Variants in LRRC4C observed in about 807,000 individuals in gnomAD.
The protein encoded by LRRC4C is leucine rich repeat containing 4C.
Under a neutral mutation model 33.6 loss-of-function variants are expected in LRRC4C, and 5 were observed. That is an observed-to-expected ratio of 0.15 (90% confidence interval 0.08 to 0.31). The LOEUF (loss-of-function observed/expected upper bound fraction) is 0.31, where lower values mean the gene tolerates loss of function less well. LRRC4C is among the 10% of genes least tolerant of loss of function. The pLI is 1.00. For synonymous variants in LRRC4C, 329 were observed against 302.0 expected (o/e 1.09, Z -0.93); for missense variants, 560 against 796.7 (o/e 0.70, Z 3.58).
chr11:40,822,446 G>C (rs1051779070), intron 2 of LRRC4C, among the ~76,000 whole-genome samples: 1 of 151,400 alleles, frequency 6.6e-6, no homozygotes, highest in African/African-American at 2.4e-5. Context: ...CTCTATCTTG[G>C]CTATTGTGAA....
In LRRC4C at chr11:40,985,653, G is replaced by A. The variant is rs1475056042; in HGVS notation, c.-495-51930C>T. On this transcript the variant is annotated intron_variant, in intron 1 of 6. Transcript: ENST00000528697. Reference sequence around the variant, plus strand: ...ACTACAGGCGCCCGCCACCGCGCCCGGCTAATTTTTTGTATTTTTAGTAGA... The same window carrying A: ...ACTACAGGCGCCCGCCACCGCGCCCAGCTAATTTTTTGTATTTTTAGTAGA... 8.8e-4 allele frequency among the ~76,000 whole-genome samples: 6 copies of A among 6,820 alleles called. 3 individuals carry two copies. The highest frequency in any genetic ancestry group is 9.3e-4 in the African/African-American group (6 of 6,474). 4.5% of individuals were successfully genotyped at this position (6,820 alleles called of 152,430 possible). A position where few individuals can be genotyped will look rare whatever the true frequency, so the allele number is the denominator to read the frequency against.
At chr11:40,168,086 A>T (rs1436995146) in intron 5 of LRRC4C, among the ~76,000 whole-genome samples, 1 of 152,058 alleles carries the variant, frequency 6.6e-6, no homozygotes, top group African/African-American at 2.4e-5. Context: ...AAACAAAAAA[A>T]CTATCCCACT....
chr11:41,394,390 C>G (rs982929213), intron 1 of LRRC4C, among the ~76,000 whole-genome samples: 5 of 151,952 alleles, frequency 3.3e-5, no homozygotes, highest in African/African-American at 1.2e-4. Context: ...ATGCGTCTCT[C>G]CTTTTTCAGA....
intron 1 of LRRC4C, among the ~76,000 whole-genome samples, chr11:41,273,507 C>T (rs1949384650): frequency 6.6e-6 from 1 of 152,132 alleles, no homozygotes. Context: ...AGGATAAATA[C>T]TGTACAATTC....
At chr11:40,662,480 A>G (rs1008141383) in intron 2 of LRRC4C, among the ~76,000 whole-genome samples, 4 of 152,188 alleles carry the variant, frequency 2.6e-5, no homozygotes, top group Non-Finnish European at 5.9e-5. Context: ...TTGGGCAGGG[A>G]TTTCTGGGTC....
intron 4 of LRRC4C, among the ~76,000 whole-genome samples, chr11:40,290,759 A>G (rs1263888029): frequency 6.6e-6 from 1 of 152,082 alleles, no homozygotes; most frequent in African/African-American, 2.4e-5. Context: ...ACTATGCTAT[A>G]GAAAGGAAAA....
chr11:40,612,371 G>A (rs779601821), intron 3 of LRRC4C, among the ~76,000 whole-genome samples: 3 of 151,864 alleles, frequency 2.0e-5, no homozygotes, highest in Non-Finnish European at 4.4e-5. Context: ...AATAGTGGCT[G>A]CCAGGAGCTG....
Position 40,241,610 on chromosome 11 carries a change from G to T in LRRC4C, c.-175-12C>A, listed in dbSNP as rs1025639427. ...CTCAGTTTCTTGCTCTGCAAAATGA[G>T]GTGATTGAAACTAGATGATGTAAGA... is the stretch of plus-strand genomic sequence containing the variant. On this transcript the variant is annotated splice_polypyrimidine_tract_variant and intron_variant, in intron 4 of 6. Coordinates refer to ENST00000528697, the MANE Select transcript of LRRC4C (RefSeq NM_001258419.2). The T allele has an allele frequency of 1.3e-5, 2 of 152,026 alleles. No homozygotes were observed. The highest frequency in any genetic ancestry group is 1.5e-5 in the Non-Finnish European group (1 of 68,034). The allele number at this position is 152,026 out of a possible 1,614,324, so 9.4% of individuals were successfully genotyped here.
At chr11:40,201,597 G>A (rs1374300185) in intron 5 of LRRC4C, among the ~76,000 whole-genome samples, 1 of 152,010 alleles carries the variant, frequency 6.6e-6, no homozygotes, top group Non-Finnish European at 1.5e-5. Context: ...TCTCTCAAAG[G>A]GTCAGTAAAG....
At chr11:41,091,676 G>A (rs1590531430) in intron 1 of LRRC4C, among the ~76,000 whole-genome samples, 1 of 152,124 alleles carries the variant, frequency 6.6e-6, no homozygotes, top group Admixed American at 6.6e-5. Flanking sequence ...ATAATAAATA[G>A]ACATTCACGT....
intron 2 of LRRC4C, among the ~76,000 whole-genome samples, chr11:40,689,234 G>A (rs932848405): frequency 6.6e-6 from 1 of 151,910 alleles, no homozygotes; most frequent in Admixed American, 6.6e-5. Context: ...TCTGTACTAC[G>A]AATGTTCACA....
At chr11:41,333,055 T>C (rs542557053) in intron 1 of LRRC4C, among the ~76,000 whole-genome samples, 23 of 152,332 alleles carry the variant, frequency 1.5e-4, no homozygotes, top group African/African-American at 5.5e-4. Context: ...TGTCTTATTC[T>C]GTTTTTGAAG....
At chr11:40,959,964 GATAGTAATTC>G (rs1177139246) in intron 1 of LRRC4C, among the ~76,000 whole-genome samples, 1 of 151,694 alleles carries the variant, frequency 6.6e-6, no homozygotes, top group Non-Finnish European at 1.5e-5. Flanking sequence ...AATGTTAGAT[GATAGTAATTC>G]TACTTTAAAT....
At chr11:41,242,201 G>T (rs977348948) in intron 1 of LRRC4C, among the ~76,000 whole-genome samples, 3 of 151,992 alleles carry the variant, frequency 2.0e-5, no homozygotes, top group Admixed American at 2.0e-4. Context: ...ATTTTCCAGT[G>T]TTGATTTTTT....
intron 3 of LRRC4C, among the ~76,000 whole-genome samples, chr11:40,476,537 G>A (rs1039776003): frequency 6.6e-6 from 1 of 151,644 alleles, no homozygotes; most frequent in Non-Finnish European, 1.5e-5. Context: ...CTAGAGACAG[G>A]TTTTCACTAT....
At chr11:40,621,798 ATTG>A (rs142521290) in intron 3 of LRRC4C, among the ~76,000 whole-genome samples, 25,771 of 151,704 alleles carry the variant, frequency 0.17, 2,597 homozygotes, top group East Asian at 0.47. Context: ...TCTGCCAGGT[ATTG>A]TTGTTTTTTC....
chr11:40,428,199 C>T (rs1223776475), intron 3 of LRRC4C, among the ~76,000 whole-genome samples: 1 of 151,988 alleles, frequency 6.6e-6, no homozygotes, highest in African/African-American at 2.4e-5. Context: ...TATTCCTACT[C>T]AAAGGATGTT....
chr11:41,031,502 C>T (rs905468356), intron 1 of LRRC4C, among the ~76,000 whole-genome samples: 1 of 151,916 alleles, frequency 6.6e-6, no homozygotes, highest in Non-Finnish European at 1.5e-5. Context: ...GAAAAAGTGG[C>T]TCAGGGTGTA....
intron 1 of LRRC4C, among the ~76,000 whole-genome samples, chr11:41,393,751 T>C (rs1008488378): frequency 6.6e-6 from 1 of 151,962 alleles, no homozygotes; most frequent in African/African-American, 2.4e-5. Flanking sequence ...ATTTATACTT[T>C]ATGCTACAGT....
Sources: gnomAD v4.1 joint callset for allele counts (sites outside exome capture counted in the v4.1 genomes callset) on GRCh38, gnomAD v4.1.1 for gene constraint, MANE v1.5 for transcripts, NCBI Gene and HGNC (gene_info 2026-07-23, HGNC 2026-07-21) for gene names.